Variants in SLC35F3 observed in about 807,000 individuals in gnomAD.
SLC35F3 encodes the protein solute carrier family 35 member F3.
A neutral mutation model predicts 49.9 loss-of-function variants in SLC35F3; 25 were observed. That is an observed-to-expected ratio of 0.50 (90% CI 0.37 to 0.70). The LOEUF (loss-of-function observed/expected upper bound fraction) is 0.70, where lower values mean the gene tolerates loss of function less well. SLC35F3 is among the 30% of genes least tolerant of loss of function. The pLI is 0.00. For synonymous variants in SLC35F3, 275 were observed against 265.4 expected (o/e 1.04, Z -0.35); for missense variants, 525 against 639.8 (o/e 0.82, Z 1.94).
chr1:234,045,324 A>G (rs951028232), intron 2 of SLC35F3, among the ~76,000 whole-genome samples: 1 of 152,162 alleles, frequency 6.6e-6, no homozygotes, highest in African/African-American at 2.4e-5. Flanking sequence ...TTCTTAGTTA[A>G]CATTTCCAAT....
intron 3 of SLC35F3, among the ~76,000 whole-genome samples, chr1:234,266,547 C>CAT (rs903819266): frequency 9.9e-5 from 15 of 152,282 alleles, no homozygotes; most frequent in Non-Finnish European, 1.3e-4. Flanking sequence ...CATCATGTAA[C>CAT]ATTGGGGATA....
At chr1:234,126,494 T>TGTGTGTGTGTGTGTGTG (rs1553307646) in intron 2 of SLC35F3, among the ~76,000 whole-genome samples, 4 of 152,124 alleles carry the variant, frequency 2.6e-5, no homozygotes, top group South Asian at 2.1e-4. Context: ...TGTGTGTGTA[T>TGTGTGTGTGTGTGTGTG]TTAGTTCTAC....
At chr1:234,304,279 A>G (rs955839130) in intron 3 of SLC35F3, among the ~76,000 whole-genome samples, 5 of 152,118 alleles carry the variant, frequency 3.3e-5, no homozygotes, top group African/African-American at 1.2e-4. Context: ...CTCATGCCTC[A>G]GCCTCCCAAG....
At chr1:234,228,618 TAA>T (rs1419184136) in intron 2 of SLC35F3, among the ~76,000 whole-genome samples, 13 of 152,312 alleles carry the variant, frequency 8.5e-5, no homozygotes, top group Admixed American at 7.2e-4. Context: ...CCGTTCATTA[TAA>T]GTTAGGTTAA....
chr1:234,063,161 G>A (rs1023409374), intron 2 of SLC35F3, among the ~76,000 whole-genome samples: 12 of 152,108 alleles, frequency 7.9e-5, no homozygotes, highest in African/African-American at 2.9e-4. Context: ...CAAATTGAGG[G>A]TTGGGCTGCT....
At chr1:234,257,536 G>A (rs1409757589) in intron 3 of SLC35F3, among the ~76,000 whole-genome samples, 1 of 152,204 alleles carries the variant, frequency 6.6e-6, no homozygotes, top group East Asian at 1.9e-4. Flanking sequence ...TGAATCAAAG[G>A]ATGGACATAG....
At chr1:234,142,307 G>T (rs368548193) in intron 2 of SLC35F3, among the ~76,000 whole-genome samples, 4 of 152,206 alleles carry the variant, frequency 2.6e-5, no homozygotes, top group African/African-American at 9.7e-5. Flanking sequence ...CTAATCAGTG[G>T]ACTCTTGGAC....
At chr1:234,238,247 A>G (rs1667504937) in intron 3 of SLC35F3, among the ~76,000 whole-genome samples, 1 of 152,234 alleles carries the variant, frequency 6.6e-6, no homozygotes, top group African/African-American at 2.4e-5. Flanking sequence ...AGCCTAAGGC[A>G]AAATACCATG....
intron 2 of SLC35F3, among the ~76,000 whole-genome samples, chr1:233,913,215 G>T (rs1661911377): frequency 6.6e-6 from 1 of 152,226 alleles, no homozygotes; most frequent in Non-Finnish European, 1.5e-5. Flanking sequence ...AATGTAGTCA[G>T]CTATTGCTAG....
chr1:234,152,727 C>T (rs556579560), intron 2 of SLC35F3, among the ~76,000 whole-genome samples: 1 of 151,972 alleles, frequency 6.6e-6, no homozygotes, highest in African/African-American at 2.4e-5. Flanking sequence ...ATTTATAATC[C>T]TTTGGGTATA....
intron 2 of SLC35F3, among the ~76,000 whole-genome samples, chr1:234,072,045 T>C (rs1015377187): frequency 1.3e-5 from 2 of 152,252 alleles, no homozygotes; most frequent in Non-Finnish European, 2.9e-5. Context: ...TAACTGTTTT[T>C]AGAGTCAGAT....
At chr1:233,986,517 T>C (rs1663268349) in intron 2 of SLC35F3, among the ~76,000 whole-genome samples, 1 of 152,194 alleles carries the variant, frequency 6.6e-6, no homozygotes, top group African/African-American at 2.4e-5. Context: ...TATGTATGTA[T>C]TATATGTTGT....
intron 2 of SLC35F3, among the ~76,000 whole-genome samples, chr1:234,054,699 C>A (rs530013480): frequency 9.2e-5 from 14 of 152,290 alleles, no homozygotes; most frequent in African/African-American, 3.4e-4. Context: ...GAGCTGCGTT[C>A]CTTTGGAGGA....
chr1:234,301,934 C>T (rs1367469460), intron 3 of SLC35F3, among the ~76,000 whole-genome samples: 2 of 152,282 alleles, frequency 1.3e-5, no homozygotes, highest in Admixed American at 6.5e-5. Context: ...CAAACTAACA[C>T]AGGAACAGAA....
At chr1:234,314,911 C>A (rs1301278463) in intron 4 of SLC35F3, among the ~76,000 whole-genome samples, 1 of 152,184 alleles carries the variant, frequency 6.6e-6, no homozygotes, top group Non-Finnish European at 1.5e-5. Context: ...TCCTGACAGC[C>A]CCCTTGCATT....
At chr1:234,032,395 G>A (rs915791151) in intron 2 of SLC35F3, among the ~76,000 whole-genome samples, 1 of 151,328 alleles carries the variant, frequency 6.6e-6, no homozygotes, top group African/African-American at 2.4e-5. Flanking sequence ...TAGGTTTTTG[G>A]AGAGCAGGTG....
chr1:234,214,218 T>G lies in SLC35F3; in HGVS notation c.284-17199T>G. On this transcript the variant is annotated intron_variant, in intron 2 of 7. Coordinates refer to ENST00000366618, the MANE Select transcript of SLC35F3 (RefSeq NM_173508.4). The surrounding 1 kb of genome is among the most constrained non-coding windows in gnomAD (Gnocchi z 8.0). ...CAGGGAGTGCACTTGTACGTGACGT[T>G]GGAGTTTGCAGCAACCTCCAAGTAG... is the stretch of plus-strand genomic sequence containing the variant. 8.4e-7 allele frequency: 1 copy of G among 1,195,592 alleles called. No individual in the cohort carries two copies. Among genetic ancestry groups the G allele is most frequent in the East Asian group, 3.9e-5 (1 of 25,462 alleles). 74.1% of individuals were successfully genotyped at this position (1,195,592 alleles called of 1,614,324 possible).
chr1:234,211,211 C>A (rs527809903), intron 2 of SLC35F3, among the ~76,000 whole-genome samples: 1 of 152,252 alleles, frequency 6.6e-6, no homozygotes, highest in Non-Finnish European at 1.5e-5. Flanking sequence ...GATGCCCAGA[C>A]AGAAGTTTGC....
At chr1:234,264,581 C>T (rs973859406) in intron 3 of SLC35F3, among the ~76,000 whole-genome samples, 45 of 152,302 alleles carry the variant, frequency 3.0e-4, no homozygotes, top group African/African-American at 1.1e-3. Flanking sequence ...GGATCTTGCT[C>T]TGTTACCCAT....
Sources: gnomAD v4.1 joint callset for allele counts (sites outside exome capture counted in the v4.1 genomes callset) on GRCh38, gnomAD v4.1.1 for gene constraint, Gnocchi (gnomAD v3.1) non-coding constraint, MANE v1.5 for transcripts, NCBI Gene and HGNC (gene_info 2026-07-23, HGNC 2026-07-21) for gene names.